The following PTPRT variants were observed in gnomAD, a reference collection of about 807,000 sequenced individuals.
PTPRT encodes receptor-type tyrosine-protein phosphatase T.
A neutral mutation model predicts 176.8 loss-of-function variants in PTPRT; 56 were observed. The observed-to-expected ratio is 0.32, with a 90% CI of 0.26 to 0.40. PTPRT has a LOEUF of 0.40. Among genes scored for constraint, PTPRT ranks in the 10% least tolerant of loss-of-function variants. PTPRT has a pLI of 1.00. For synonymous variants in PTPRT, 783 were observed against 739.0 expected, an observed-to-expected ratio of 1.06 and a Z score of -0.96; for missense variants, 1,540 against 1,908.2, an observed-to-expected ratio of 0.81 and a Z score of 3.60.
chr20:42,732,738 G>A (rs1408360737), intron 6 of PTPRT, among the ~76,000 whole-genome samples: 1 of 152,162 alleles, frequency 6.6e-6, no homozygotes, highest in Non-Finnish European at 1.5e-5. Context: ...CCGATGCTTG[G>A]GGGCTCAACA....
At chr20:42,525,039 G>A (rs759707712) in intron 7 of PTPRT, among the ~76,000 whole-genome samples, 7 of 152,150 alleles carry the variant, frequency 4.6e-5, no homozygotes, top group African/African-American at 1.7e-4. Context: ...GTTCCCTGGA[G>A]TGCAGTGGTA....
At chr20:42,709,133 C>A (rs1014507279) in intron 6 of PTPRT, among the ~76,000 whole-genome samples, 1 of 152,206 alleles carries the variant, frequency 6.6e-6, no homozygotes, top group Non-Finnish European at 1.5e-5. Context: ...ACCTAAGGTC[C>A]TTCGGGACAG....
chr20:42,128,889 C>T lies in PTPRT; in HGVS notation c.2771-59G>A, dbSNP rs1600561058. 5 of 1,424,444 alleles carry T rather than the reference C, an allele frequency of 3.5e-6. No individual in the cohort carries two copies. In the Admixed American group the frequency reaches 9.6e-5, roughly 27 times the overall value. 88.2% of individuals were successfully genotyped at this position (1,424,444 alleles called of 1,614,324 possible). On this transcript the variant is annotated intron_variant, in intron 18 of 30. Transcript: ENST00000373187. Reference sequence around the variant, plus strand: ...ATAAGAGGCCTTACGCAGCTAATGTCCTCCTTTAGAACTACTGTTTATTAA... The same window carrying T: ...ATAAGAGGCCTTACGCAGCTAATGTTCTCCTTTAGAACTACTGTTTATTAA...
At chr20:42,152,162 A>G (rs923968502) in intron 17 of PTPRT, among the ~76,000 whole-genome samples, 4 of 152,246 alleles carry the variant, frequency 2.6e-5, no homozygotes, top group African/African-American at 9.6e-5. Flanking sequence ...ACAGCCAAAT[A>G]TCTTGAGACA....
chr20:43,055,446 G>A (rs911400428), intron 1 of PTPRT, among the ~76,000 whole-genome samples: 1 of 152,136 alleles, frequency 6.6e-6, no homozygotes, highest in Non-Finnish European at 1.5e-5. Flanking sequence ...CCATCAGCAT[G>A]CTGTTCACCA....
chr20:42,818,178 T>G (rs891835393), intron 2 of PTPRT, among the ~76,000 whole-genome samples: 2 of 152,076 alleles, frequency 1.3e-5, no homozygotes, highest in African/African-American at 4.8e-5. Flanking sequence ...GCACCCATCT[T>G]TGCTGCTCCC....
intron 6 of PTPRT, among the ~76,000 whole-genome samples, chr20:42,714,662 A>G (rs77797033): frequency 0.011 from 1,610 of 152,298 alleles, 31 homozygotes; most frequent in African/African-American, 0.037. Flanking sequence ...TTGATCATTG[A>G]TAGCGAAGAA....
the PTPRT span, among the ~76,000 whole-genome samples, chr20:42,061,718 C>A: frequency 2.9e-4 from 44 of 152,316 alleles, 1 homozygote; most frequent in Admixed American, 2.5e-3. Flanking sequence ...GTCTCTGCAG[C>A]CACTCTCGAG....
chr20:42,401,213 G>A (rs2058903982), intron 9 of PTPRT, among the ~76,000 whole-genome samples: 1 of 151,690 alleles, frequency 6.6e-6, no homozygotes, highest in South Asian at 2.1e-4. Context: ...ACATCTTAAC[G>A]CATTACAGGT....
At chr20:42,375,883 T>C (rs1374795801) in intron 9 of PTPRT, among the ~76,000 whole-genome samples, 2 of 152,046 alleles carry the variant, frequency 1.3e-5, no homozygotes, top group South Asian at 2.1e-4. Context: ...AAGAAGGGGG[T>C]GCCTGCTCAG....
intron 7 of PTPRT, among the ~76,000 whole-genome samples, chr20:42,518,049 A>T (rs2072101762): frequency 6.6e-6 from 1 of 151,946 alleles, no homozygotes; most frequent in African/African-American, 2.4e-5. Context: ...ATTATAATGT[A>T]TTTGTCACAT....
chr20:42,411,507 A>T (rs978845807), intron 9 of PTPRT, among the ~76,000 whole-genome samples: 6 of 132,962 alleles, frequency 4.5e-5, no homozygotes, highest in African/African-American at 1.7e-4. Context: ...ACAAGAGCTA[A>T]ACCCTGTCTC....
chr20:42,762,043 AG>A, intron 5 of PTPRT, among the ~76,000 whole-genome samples: 1 of 152,360 alleles, frequency 6.6e-6, no homozygotes, highest in African/African-American at 2.4e-5. Context: ...CACAGAAAAC[AG>A]TTTTGGAAAT....
intron 1 of PTPRT, among the ~76,000 whole-genome samples, chr20:43,038,329 T>C (rs1414910622): frequency 6.6e-6 from 1 of 152,184 alleles, no homozygotes; most frequent in Non-Finnish European, 1.5e-5. Flanking sequence ...CATAGACAAT[T>C]AAAGTTAATT....
At chr20:42,780,189 G>C (rs2077194570) in intron 4 of PTPRT, 29 bp downstream of exon 4, 2 of 1,573,208 alleles carry the variant, frequency 1.3e-6, no homozygotes, top group Admixed American at 1.7e-5. Context: ...ATGGATCAAG[G>C]CTGTGTTGGG....
chr20:42,764,129 T>C (rs1324171160), intron 5 of PTPRT, among the ~76,000 whole-genome samples: 2 of 152,136 alleles, frequency 1.3e-5, no homozygotes, highest in African/African-American at 4.8e-5. Flanking sequence ...GGCAGTAAGA[T>C]TTTTGTGGAG....
At chr20:42,082,195 C>G (rs1449690502) in intron 29 of PTPRT, among the ~76,000 whole-genome samples, 178 bp from the exon 30 acceptor site, 2 of 152,258 alleles carry the variant, frequency 1.3e-5, no homozygotes, top group African/African-American at 4.8e-5. Flanking sequence ...GTGCCATTAA[C>G]TTGCTTTGAC....
At chr20:42,648,742 T>C (rs781643083) in intron 7 of PTPRT, among the ~76,000 whole-genome samples, 2 of 151,820 alleles carry the variant, frequency 1.3e-5, no homozygotes, top group Non-Finnish European at 2.9e-5. Flanking sequence ...TATCAGTCCA[T>C]TCTCATGTTA....
At chr20:42,185,141 C>A (rs1990723986) in intron 16 of PTPRT, among the ~76,000 whole-genome samples, 1 of 152,136 alleles carries the variant, frequency 6.6e-6, no homozygotes, top group South Asian at 2.1e-4. Context: ...AGCCAGGTAT[C>A]CATGACCACA....
Sources: allele counts gnomAD v4.1 joint callset (sites outside exome capture counted in the v4.1 genomes callset), GRCh38; gene constraint gnomAD v4.1.1; transcripts MANE v1.5; gene names NCBI Gene and HGNC (gene_info 2026-07-23, HGNC 2026-07-21).